KATNAL2: variants seen among roughly 807,000 people sequenced by gnomAD.
KATNAL2 encodes the protein katanin catalytic subunit A1 like 2, also known as katanin p60 ATPase-containing subunit A-like 2.
Under a neutral mutation model 76.3 loss-of-function variants are expected in KATNAL2, and 52 were observed. The ratio of observed to expected loss-of-function variants is 0.68; its 90% CI spans 0.55 to 0.86. The LOEUF (loss-of-function observed/expected upper bound fraction) is 0.86, where lower values mean the gene tolerates loss of function less well. Among genes scored for constraint, KATNAL2 ranks in the 40% least tolerant of loss-of-function variants. The pLI is 0.00. For synonymous variants in KATNAL2, 243 were observed against 244.2 expected (o/e 1.00, Z 0.05); for missense variants, 660 against 668.9 (o/e 0.99, Z 0.15).
At chr18:47,095,145 T>A (rs1257659357) in intron 15 of KATNAL2, among the ~76,000 whole-genome samples, 1 of 152,156 alleles carries the variant, frequency 6.6e-6, no homozygotes, top group African/African-American at 2.4e-5. Flanking sequence ...GTTCTCCAAT[T>A]CTCTTTGCTT....
At chr18:46,946,700 C>T in intron 2 of KATNAL2, 154 bp downstream of exon 2, 1 of 1,047,174 alleles carries the variant, frequency 9.5e-7, no homozygotes, top group Non-Finnish European at 1.4e-6. Context: ...CATGGTCTAA[C>T]ATTGATTGGC....
chr18:46,965,942 C>T (rs2060117654), intron 3 of KATNAL2, among the ~76,000 whole-genome samples: 1 of 149,914 alleles, frequency 6.7e-6, no homozygotes, highest in African/African-American at 2.4e-5. Flanking sequence ...GGCGATTTCG[C>T]GTAATGTTTA....
intron 15 of KATNAL2, among the ~76,000 whole-genome samples, chr18:47,080,096 T>C (rs779512865): frequency 6.6e-6 from 1 of 152,178 alleles, no homozygotes; most frequent in Non-Finnish European, 1.5e-5. Flanking sequence ...TAACAGAACT[T>C]TCCCTCTTCC....
intron 1 of KATNAL2, among the ~76,000 whole-genome samples, chr18:46,922,821 T>C (rs948246810): frequency 1.3e-5 from 2 of 150,858 alleles, no homozygotes; most frequent in Non-Finnish European, 3.0e-5. Context: ...TAATAAAAAG[T>C]TGAAACATAA....
chr18:47,099,876 A>ATTT (rs745788356), intron 16 of KATNAL2, among the ~76,000 whole-genome samples: 27 of 152,200 alleles, frequency 1.8e-4, no homozygotes, highest in Non-Finnish European at 2.8e-4. Context: ...ACATTTGAAC[A>ATTT]CAATGTTCTC....
intron 11 of KATNAL2, 109 bp from the exon 12 acceptor site, chr18:47,069,111 A>G: frequency 2.7e-6 from 2 of 740,512 alleles, no homozygotes; most frequent in Non-Finnish European, 4.6e-6. Flanking sequence ...GGAGCCCTGA[A>G]TCTTAGAGCT....
intron 3 of KATNAL2, among the ~76,000 whole-genome samples, chr18:47,037,331 A>T (rs2060813717): frequency 6.6e-6 from 1 of 152,206 alleles, no homozygotes; most frequent in South Asian, 2.1e-4. Context: ...TATTTGTGGC[A>T]CAATAGCCCA....
chr18:47,076,204 A>G (rs553101592), intron 14 of KATNAL2: 71 of 152,372 alleles, frequency 4.7e-4, no homozygotes, highest in African/African-American at 1.7e-3. Context: ...AAGTATAACT[A>G]TAATATAATT....
rs1599906675 is a variant in KATNAL2, at chr18:47,101,164, T to C, written c.*159T>C. 2.6e-6 allele frequency: 2 copies of C among 769,890 alleles called. No individual in the cohort carries two copies. The highest frequency in any genetic ancestry group is 3.9e-4 in the Middle Eastern group (1 of 2,570). The allele number at this position is 769,890 out of a possible 1,614,324, so 47.7% of individuals were successfully genotyped here. On this transcript the variant is annotated 3_prime_UTR_variant, in exon 18 of 18. Coordinates refer to ENST00000683218, the MANE Select transcript of KATNAL2 (RefSeq NM_001387690.1). The stretch of plus-strand genomic sequence containing the variant: ...TGTATTGTTTTGGATAGCTGAGATA[T>C]ATTTATTAACTTACCATTATCGATG...
intron 3 of KATNAL2, among the ~76,000 whole-genome samples, chr18:46,951,055 G>A (rs766880712): frequency 6.6e-6 from 1 of 151,994 alleles, no homozygotes; most frequent in Non-Finnish European, 1.5e-5. Context: ...GATAAGCACT[G>A]AACTCCCTTC....
At chr18:46,961,646 C>A (rs2059960420) in intron 3 of KATNAL2, among the ~76,000 whole-genome samples, 1 of 152,170 alleles carries the variant, frequency 6.6e-6, no homozygotes, top group East Asian at 1.9e-4. Flanking sequence ...GGCATATGTG[C>A]CAACGTTGTC....
chr18:46,952,231 C>G (rs187665732), intron 3 of KATNAL2, among the ~76,000 whole-genome samples: 3 of 152,034 alleles, frequency 2.0e-5, no homozygotes, highest in Admixed American at 1.3e-4. Context: ...CACCACCACA[C>G]CTGGTTAAAT....
intron 1 of KATNAL2, among the ~76,000 whole-genome samples, chr18:46,935,527 A>C (rs1223268997): frequency 6.6e-6 from 1 of 152,154 alleles, no homozygotes; most frequent in Non-Finnish European, 1.5e-5. Flanking sequence ...GAGCTCAAGC[A>C]AGACTTCCAC....
At chr18:47,049,238 T>C (rs1220165666) in intron 4 of KATNAL2, among the ~76,000 whole-genome samples, 2 of 152,252 alleles carry the variant, frequency 1.3e-5, no homozygotes, top group African/African-American at 4.8e-5. Context: ...TAATGGGGTA[T>C]AGCTAAGTAT....
At chr18:47,080,550 G>A (rs535084444) in intron 15 of KATNAL2, among the ~76,000 whole-genome samples, 1 of 152,138 alleles carries the variant, frequency 6.6e-6, no homozygotes, top group Non-Finnish European at 1.5e-5. Context: ...TTATACCTAT[G>A]AGTAGAATTA....
intron 3 of KATNAL2, among the ~76,000 whole-genome samples, chr18:46,950,650 G>A (rs770987461): frequency 6.6e-6 from 1 of 151,870 alleles, no homozygotes; most frequent in African/African-American, 2.4e-5. Context: ...CAACTGCTTC[G>A]ACTTGTAGCA....
chr18:46,959,028 G>T (rs767043233), intron 3 of KATNAL2, among the ~76,000 whole-genome samples: 1 of 152,286 alleles, frequency 6.6e-6, no homozygotes, highest in Non-Finnish European at 1.5e-5. Flanking sequence ...AATGAGTGTT[G>T]TTAAAATGCC....
intron 13 of KATNAL2, among the ~76,000 whole-genome samples, chr18:47,074,246 T>G (rs906644129): frequency 6.6e-6 from 1 of 152,188 alleles, no homozygotes; most frequent in South Asian, 2.1e-4. Flanking sequence ...GAGATGCTGG[T>G]GCATGCGCTT....
At chr18:46,921,159 G>T (rs1273901747) in intron 1 of KATNAL2, among the ~76,000 whole-genome samples, 2 of 152,052 alleles carry the variant, frequency 1.3e-5, no homozygotes, top group Non-Finnish European at 2.9e-5. Context: ...ACGGAGTCTC[G>T]CTCTGTTGCC....
Sources: gnomAD v4.1 joint callset for allele counts (sites outside exome capture counted in the v4.1 genomes callset) on GRCh38, gnomAD v4.1.1 for gene constraint, MANE v1.5 for transcripts, NCBI Gene and HGNC (gene_info 2026-07-23, HGNC 2026-07-21) for gene names.